Variants in MGP observed in about 807,000 individuals in gnomAD.
MGP encodes the protein cell growth-inhibiting gene 36 protein.
A neutral mutation model predicts 14.5 loss-of-function variants in MGP; 13 were observed. The observed-to-expected ratio is 0.89, with a 90% CI of 0.58 to 1.42. MGP has a LOEUF of 1.42. Among genes scored for constraint, MGP ranks in the 40% most tolerant of loss-of-function variants. The pLI, the probability that MGP is intolerant of heterozygous loss-of-function variation, is 0.00. For synonymous variants in MGP, 44 were observed against 46.3 expected (o/e 0.95, Z 0.20); for missense variants, 128 against 133.7 (o/e 0.96, Z 0.21).
chr12:14,884,726 A>G, intron 1 of MGP: 1 of 1,154,024 alleles, frequency 8.7e-7, no homozygotes, highest in South Asian at 1.6e-5. Flanking sequence ...TTACTAGGGC[A>G]GGTTTCTAAG....
chr12:14,882,515 A>G (rs1236742749), intron 3 of MGP, among the ~76,000 whole-genome samples: 1 of 151,956 alleles, frequency 6.6e-6, no homozygotes, highest in Non-Finnish European at 1.5e-5. Flanking sequence ...CCTGGCCAAC[A>G]TGACAAAACC....
At chr12:14,884,356 G>C in intron 1 of MGP, 111 bp from the exon 2 acceptor site, 3 of 726,754 alleles carry the variant, frequency 4.1e-6, no homozygotes, top group Middle Eastern at 4.3e-4. Flanking sequence ...TGGAAGAAGA[G>C]GAAAGAGTCT....
chr12:14,882,275 C>G lies in MGP; in HGVS notation c.176G>C (p.Arg59Pro). Residue 59 changes from arginine to proline, a missense_variant, in exon 4 of 4, where the codon CGA becomes CCA. Transcript: ENST00000539261. ...RWRAKVQERI[R>P]ERSKPVHELN... is the part of the protein sequence containing the mutation. ...CTCGTGGACAGGCTTAGAGCGTTCT[C>G]GGATCCTAGAAAGTGGAAGAAGAGG... 1.9e-6 allele frequency: 3 copies of G among 1,613,884 alleles called. No homozygotes were observed. The highest frequency in any genetic ancestry group is 2.5e-6 in the Non-Finnish European group (3 of 1,179,958).
Position 14,884,251 on chromosome 12 carries a change from A to AC in MGP, c.62-7_62-6insG. ...TTCCATGCTTTCATGTGATTCTGAA[A>AC]TTAAAAAAAAAAGATTCATTATATC... On this transcript the variant is annotated splice_polypyrimidine_tract_variant and splice_region_variant and intron_variant, in intron 1 of 3. Coordinates refer to ENST00000539261, the MANE Select transcript of MGP (RefSeq NM_000900.5). 1 of 1,366,302 alleles carries AC rather than the reference A, an allele frequency of 7.3e-7. No homozygotes were observed. Among genetic ancestry groups the AC allele is most frequent in the Non-Finnish European group, 1.0e-6 (1 of 985,014 alleles). The allele number at this position is 1,366,302 out of a possible 1,614,324, so 84.6% of individuals were successfully genotyped here.
At chr12:14,884,139 T>A in intron 2 of MGP, 74 bp downstream of exon 2, 1 of 1,205,846 alleles carries the variant, frequency 8.3e-7, no homozygotes, top group Non-Finnish European at 1.2e-6. Flanking sequence ...TATCTTTCCA[T>A]CTTGTTTATT....
At position 14,885,533 on chromosome 12, in the gene MGP, C is replaced by A. The variant is rs111307398; in HGVS notation, c.61+198G>T. Among the ~76,000 whole-genome samples the A allele has an allele frequency of 9.2e-3, 1,399 of 152,202 alleles. 29 individuals carry two copies. The highest frequency in any genetic ancestry group is 0.031 in the African/African-American group (1,302 of 41,518). Reference sequence around the variant, plus strand: ...GGTTTGCCTGTTAAGTTGCATAAGACTCTGGATATTTAGGATATAAAAAAG... The same window carrying A: ...GGTTTGCCTGTTAAGTTGCATAAGAATCTGGATATTTAGGATATAAAAAAG... On this transcript the variant is annotated intron_variant, in intron 1 of 3. Coordinates refer to ENST00000539261, the MANE Select transcript of MGP (RefSeq NM_000900.5).
In MGP at chr12:14,881,181, C is replaced by T. The variant is rs1475500995; in HGVS notation, c.*958G>A. ...AATTACATGGGTAAATATATGAGATCTTTTCTTTCTTTTCTTTTTTATTTT... is the reference window on the plus strand; with the variant it reads ...AATTACATGGGTAAATATATGAGATTTTTTCTTTCTTTTCTTTTTTATTTT... On this transcript the variant is annotated 3_prime_UTR_variant, in exon 4 of 4. Transcript: ENST00000539261. 1.3e-5 allele frequency: 2 copies of T among 152,138 alleles called. No individual in the cohort carries two copies. Among genetic ancestry groups the T allele is most frequent in the East Asian group, 3.9e-4 (2 of 5,188 alleles). 9.4% of individuals were successfully genotyped at this position (152,138 alleles called of 1,614,324 possible).
chr12:14,882,368 T>A, intron 3 of MGP, 88 bp from the exon 4 acceptor site: 6 of 1,392,674 alleles, frequency 4.3e-6, no homozygotes, highest in Non-Finnish European at 6.1e-6. Context: ...TTGGAGAGAC[T>A]TTCTCTCCAT....
At chr12:14,883,281 T>G in intron 2 of MGP, 1 of 488,478 alleles carries the variant, frequency 2.0e-6, no homozygotes. Flanking sequence ...CTTTGTTGGT[T>G]TTGAGTTTGG....
At position 14,883,098 on chromosome 12, in the gene MGP, T is replaced by G. The variant is rs373390335; in HGVS notation, c.95-51A>C. ...AGTTTTAGCGACACATAGCTGGAAA[T>G]ATTTCCGTGAATATTCCTTGACACA... On this transcript the variant is annotated intron_variant, in intron 2 of 3. Coordinates refer to ENST00000539261, the MANE Select transcript of MGP (RefSeq NM_000900.5). The G allele has an allele frequency of 2.2e-6, 3 of 1,333,642 alleles. No individual in the cohort carries two copies. In the African/African-American group the frequency reaches 4.3e-5, roughly 19 times the overall value. The allele number at this position is 1,333,642 out of a possible 1,614,324, so 82.6% of individuals were successfully genotyped here.
intron 2 of MGP, 45 bp downstream of exon 2, chr12:14,884,168 C>T: frequency 7.2e-7 from 1 of 1,383,854 alleles, no homozygotes; most frequent in Non-Finnish European, 1.0e-6. Flanking sequence ...AGAAGAGGTT[C>T]TTTAATGCAA....
Position 14,885,565 on chromosome 12 carries a change from T to C in MGP, c.61+166A>G, listed in dbSNP as rs1411245233. ...TATTTAGGATATAAAAAAGACTTAA[T>C]AGAACAGATCAGTTTCTGCGGAGAC... On this transcript the variant is annotated intron_variant, in intron 1 of 3. Coordinates refer to ENST00000539261, the MANE Select transcript of MGP (RefSeq NM_000900.5). 2.0e-5 allele frequency among the ~76,000 whole-genome samples: 3 copies of C among 152,184 alleles called. No individual in the cohort carries two copies. The East Asian group carries it at 5.8e-4, about 29-fold the overall frequency.
intron 2 of MGP, 128 bp from the exon 3 acceptor site, chr12:14,883,175 C>CA: frequency 1.3e-6 from 1 of 744,182 alleles, no homozygotes; most frequent in Non-Finnish European, 2.4e-6. Context: ...CGGAGATTGG[C>CA]AAAAATTAAA....
chr12:14,884,718 A>T, intron 1 of MGP: 2 of 1,071,252 alleles, frequency 1.9e-6, no homozygotes, highest in Non-Finnish European at 2.6e-6. Context: ...TGCTGGGCTT[A>T]CTAGGGCAGG....
Position 14,882,904 on chromosome 12 carries a change from C to T in MGP, c.170+68G>A, listed in dbSNP as rs960423457. The T allele has an allele frequency of 1.3e-5, 13 of 999,524 alleles. No homozygotes were observed. In the South Asian group the frequency reaches 1.4e-4, roughly 11 times the overall value. 61.9% of individuals were successfully genotyped at this position (999,524 alleles called of 1,614,324 possible). Reference sequence around the variant, plus strand: ...TGTATATGATGAAAAAGCTGTTTCCCACTCCAATTCAGATCTGTGATCTAC... The same window carrying T: ...TGTATATGATGAAAAAGCTGTTTCCTACTCCAATTCAGATCTGTGATCTAC... On this transcript the variant is annotated intron_variant, in intron 3 of 3. Coordinates refer to ENST00000539261, the MANE Select transcript of MGP (RefSeq NM_000900.5).
At position 14,884,261 on chromosome 12, in the gene MGP, AAAG is replaced by A. The variant is rs1333196393; in HGVS notation, c.62-19_62-17del. The A allele has an allele frequency of 1.5e-6, 2 of 1,364,830 alleles. No homozygotes were observed. Among genetic ancestry groups the A allele is most frequent in the African/African-American group, 2.9e-5 (2 of 68,978 alleles). The allele number at this position is 1,364,830 out of a possible 1,614,324, so 84.5% of individuals were successfully genotyped here. On this transcript the variant is annotated splice_polypyrimidine_tract_variant and intron_variant, in intron 1 of 3. Coordinates refer to ENST00000539261, the MANE Select transcript of MGP (RefSeq NM_000900.5). ...TCATGTGATTCTGAAATTAAAAAAAAAAGATTCATTATATCAATATTTATCCAT... is the reference window on the plus strand; with the variant it reads ...TCATGTGATTCTGAAATTAAAAAAAAATTCATTATATCAATATTTATCCAT...
At position 14,883,003 on chromosome 12, in the gene MGP, G is replaced by C; in HGVS notation, c.139C>G (p.Gln47Glu). Reference protein sequence around the residue: ...RRNANTFISPQQRWRAKVQER... With the variant: ...RRNANTFISPEQRWRAKVQER... ...TGGACTTTAGCTCTCCATCTCTGCT[G>C]AGGGGATATGAAGGTATTTGCATTT... The change falls in exon 3 of 4, where the codon CAG (glutamine) becomes GAG (glutamate). Residue 47 changes from glutamine (Q) to glutamate (E), a missense_variant. By Grantham distance (29) the Gln-to-Glu change is conservative. Transcript: ENST00000539261. 6.2e-7 allele frequency: 1 copy of C among 1,612,822 alleles called. No individual in the cohort carries two copies. The highest frequency in any genetic ancestry group is 1.7e-5 in the Admixed American group (1 of 60,022).
chr12:14,882,422 G>C, intron 3 of MGP, 142 bp from the exon 4 acceptor site: 1 of 1,091,048 alleles, frequency 9.2e-7, no homozygotes, highest in Non-Finnish European at 1.4e-6. Flanking sequence ...GGAGAGGCTG[G>C]GTGCGGTGGC....
rs113748586 is a variant in MGP, at chr12:14,884,591, A to G, written c.62-346T>C. On this transcript the variant is annotated intron_variant, in intron 1 of 3. Transcript: ENST00000539261. ...TTAAGTGCTGTACAGAAGTCTCCAG[A>G]GAACCTTCTTCTCTGATTTATTCAG... 9.1e-3 allele frequency among the ~76,000 whole-genome samples: 1,392 copies of G among 152,318 alleles called. 29 individuals are homozygous for G. The highest frequency in any genetic ancestry group is 0.031 in the African/African-American group (1,296 of 41,562).
Sources: gnomAD v4.1 joint callset for allele counts (sites outside exome capture counted in the v4.1 genomes callset) on GRCh38, gnomAD v4.1.1 for gene constraint, MANE v1.5 for transcripts, NCBI Gene and HGNC (gene_info 2026-07-23, HGNC 2026-07-21) for gene names.